Variants in ADAMTSL1 observed in about 807,000 individuals in gnomAD.
The protein encoded by ADAMTSL1 is ADAMTS-like protein 1.
In ADAMTSL1, 126 loss-of-function variants were observed where a neutral mutation model predicts 201.8. The observed-to-expected ratio is 0.62, with a 90% confidence interval of 0.54 to 0.72. The LOEUF is 0.72. Among genes scored for constraint, ADAMTSL1 ranks in the 30% least tolerant of loss-of-function variants. The pLI, the probability that ADAMTSL1 is intolerant of heterozygous loss-of-function variation, is 0.00. For missense variants in ADAMTSL1, 2,679 were observed against 2,277.8 expected (o/e 1.18, Z -3.59); for synonymous variants, 1,121 against 903.4 (o/e 1.24, Z -4.32).
At chr9:18,052,986 G>A (rs1563971686) in intron 1 of ADAMTSL1, among the ~76,000 whole-genome samples, 1 of 152,004 alleles carries the variant, frequency 6.6e-6, no homozygotes, top group Non-Finnish European at 1.5e-5. Flanking sequence ...CATCCTTTCT[G>A]TTTCCTCAAT....
At chr9:18,889,242 A>G (rs560926107) in intron 24 of ADAMTSL1, among the ~76,000 whole-genome samples, 1 of 152,334 alleles carries the variant, frequency 6.6e-6, no homozygotes, top group East Asian at 1.9e-4. Flanking sequence ...ATCTTTAAAA[A>G]TAAGATGACC....
chr9:18,291,034 G>C (rs2132679924), intron 2 of ADAMTSL1, among the ~76,000 whole-genome samples: 1 of 152,200 alleles, frequency 6.6e-6, no homozygotes, highest in Admixed American at 6.5e-5. Flanking sequence ...GCCCACCTCA[G>C]CCTCCCAAAG....
At chr9:18,124,000 G>T (rs531468006) in intron 1 of ADAMTSL1, among the ~76,000 whole-genome samples, 116 of 150,604 alleles carry the variant, frequency 7.7e-4, no homozygotes, top group Non-Finnish European at 1.2e-3. Context: ...GTATGAAATG[G>T]TATCTCATTG....
intron 1 of ADAMTSL1, among the ~76,000 whole-genome samples, chr9:18,116,615 G>T (rs755558519): frequency 4.6e-5 from 7 of 152,180 alleles, no homozygotes; most frequent in African/African-American, 1.7e-4. Context: ...AAAGACAGGG[G>T]TTGCATTTTA....
chr9:18,714,447 A>G (rs1440572516), intron 14 of ADAMTSL1, among the ~76,000 whole-genome samples: 2 of 152,226 alleles, frequency 1.3e-5, no homozygotes, highest in African/African-American at 2.4e-5. Flanking sequence ...ACAAAGTACC[A>G]TCAGAGAATA....
Position 18,727,502 on chromosome 9 carries a change from A to G in ADAMTSL1, c.2006+5837A>G, listed in dbSNP as rs114342429. Among the ~76,000 whole-genome samples, 173 of 152,356 alleles carry G rather than the reference A, an allele frequency of 1.1e-3. 1 individual carries two copies. Among genetic ancestry groups the G allele is most frequent in the African/African-American group, 3.9e-3 (161 of 41,578 alleles). On this transcript the variant is annotated intron_variant, in intron 15 of 28. Coordinates refer to ENST00000380548, the MANE Select transcript of ADAMTSL1 (RefSeq NM_001040272.6). ...TCTCTGTTTTCTTCCATTGATGGATAGGAATCTGCCATAGCCTGTTCCTTA... is the reference window on the plus strand; with the variant it reads ...TCTCTGTTTTCTTCCATTGATGGATGGGAATCTGCCATAGCCTGTTCCTTA...
intron 1 of ADAMTSL1, among the ~76,000 whole-genome samples, chr9:18,114,388 A>G (rs984188188): frequency 6.6e-6 from 1 of 152,144 alleles, no homozygotes; most frequent in Non-Finnish European, 1.5e-5. Flanking sequence ...TGCATATACC[A>G]TGTGAGGAAA....
intron 1 of ADAMTSL1, among the ~76,000 whole-genome samples, chr9:17,918,976 G>T (rs1346127901): frequency 6.6e-6 from 1 of 151,376 alleles, no homozygotes; most frequent in Admixed American, 6.6e-5. Flanking sequence ...TTTGCCTTTG[G>T]CTATATTAAT....
At chr9:18,226,855 A>T (rs1258933547) in intron 2 of ADAMTSL1, among the ~76,000 whole-genome samples, 1 of 152,156 alleles carries the variant, frequency 6.6e-6, no homozygotes, top group African/African-American at 2.4e-5. Context: ...ATGAATAATA[A>T]TCATGAATCC....
intron 1 of ADAMTSL1, among the ~76,000 whole-genome samples, chr9:18,082,470 C>G (rs903842484): frequency 3.3e-5 from 5 of 152,148 alleles, no homozygotes; most frequent in African/African-American, 1.2e-4. Flanking sequence ...AACCAGGATG[C>G]CCAGCTAGTT....
At chr9:18,723,397 G>C in intron 15 of ADAMTSL1, 2 of 390,702 alleles carry the variant, frequency 5.1e-6, no homozygotes, top group Non-Finnish European at 9.5e-6. Flanking sequence ...GTCAGTGCCT[G>C]GGACTTGCTT....
upstream of ADAMTSL1, chr9:18,474,091 T>C: frequency 7.7e-5 from 28 of 362,434 alleles, no homozygotes; most frequent in East Asian, 2.9e-4. Flanking sequence ...CACCCACCCC[T>C]CGGTCAGGAA....
At chr9:18,277,748 G>T (rs1417642458) in intron 2 of ADAMTSL1, among the ~76,000 whole-genome samples, 6 of 152,064 alleles carry the variant, frequency 3.9e-5, no homozygotes, top group East Asian at 3.9e-4. Context: ...CTTTTCACTG[G>T]AGAATTTAAT....
chr9:18,499,708 G>C (rs1216832803), intron 1 of ADAMTSL1, among the ~76,000 whole-genome samples: 1 of 152,136 alleles, frequency 6.6e-6, no homozygotes, highest in African/African-American at 2.4e-5. Context: ...AGAGGTTCAG[G>C]TACCTTCTTG....
chr9:18,660,023 C>T (rs1483950820), intron 8 of ADAMTSL1, among the ~76,000 whole-genome samples: 2 of 152,030 alleles, frequency 1.3e-5, no homozygotes, highest in African/African-American at 4.8e-5. Flanking sequence ...GATAATCGTT[C>T]ATTACATAAT....
At chr9:18,607,705 T>C (rs144958686) in intron 4 of ADAMTSL1, among the ~76,000 whole-genome samples, 2,048 of 152,068 alleles carry the variant, frequency 0.013, 51 homozygotes, top group African/African-American at 0.047. Flanking sequence ...TTAGGTATAT[T>C]TCCTAATGCT....
At chr9:18,032,107 C>G (rs1556353) in intron 1 of ADAMTSL1, among the ~76,000 whole-genome samples, 89,077 of 151,992 alleles carry the variant, frequency 0.59, 27,193 homozygotes, top group African/African-American at 0.77. Flanking sequence ...GGCTCTTCCA[C>G]GTGTTCAGGG....
At chr9:18,638,454 T>G (rs1827237547) in intron 6 of ADAMTSL1, among the ~76,000 whole-genome samples, 1 of 152,072 alleles carries the variant, frequency 6.6e-6, no homozygotes, top group Non-Finnish European at 1.5e-5. Context: ...CAGACAGTTG[T>G]TCTAAATCAC....
At chr9:18,843,360 G>GT (rs1207450660) in intron 23 of ADAMTSL1, among the ~76,000 whole-genome samples, 1 of 150,788 alleles carries the variant, frequency 6.6e-6, no homozygotes, top group Non-Finnish European at 1.5e-5. Context: ...TTGAATATTG[G>GT]TCCCCCCTCT....
Sources: allele counts gnomAD v4.1 joint callset (sites outside exome capture counted in the v4.1 genomes callset), GRCh38; gene constraint gnomAD v4.1.1; transcripts MANE v1.5; gene names NCBI Gene and HGNC (gene_info 2026-07-23, HGNC 2026-07-21).